Variants in FHL1 observed in about 807,000 individuals in gnomAD.
FHL1 encodes four and a half LIM domains protein 1.
In FHL1, 1 loss-of-function variant was observed where a neutral mutation model predicts 20.3. The ratio of observed to expected loss-of-function variants is 0.05; its 90% CI spans 0.02 to 0.23. The LOEUF (loss-of-function observed/expected upper bound fraction) is 0.23, where lower values mean the gene tolerates loss of function less well. Among genes scored for constraint, FHL1 ranks in the 10% least tolerant of loss-of-function variants. The pLI, the probability that FHL1 is intolerant of heterozygous loss-of-function variation, is 1.00. For missense variants in FHL1, 177 were observed against 234.0 expected (o/e 0.76, Z 1.59); for synonymous variants, 82 against 88.9 (o/e 0.92, Z 0.44).
At chrX:136,186,911 G>T (rs972581987) in intron 2 of FHL1, among the ~76,000 whole-genome samples, 28 of 101,957 alleles carry the variant, frequency 2.7e-4, no homozygotes, top group African/African-American at 9.9e-4. Context: ...TAGATAGATA[G>T]ATAGATAGAT....
intron 2 of FHL1, among the ~76,000 whole-genome samples, chrX:136,190,899 A>G (rs2073417296): frequency 9.0e-6 from 1 of 111,510 alleles, no homozygotes; most frequent in Non-Finnish European, 1.9e-5. Context: ...TGATTGGATT[A>G]GGTGGTATCT....
At position 136,208,648 on chromosome X, in the gene FHL1, TAA is replaced by T; in HGVS notation, c.736+9_736+10del. The T allele has an allele frequency of 8.3e-7, 1 of 1,204,693 alleles. No individual in the cohort carries two copies. Among genetic ancestry groups the T allele is most frequent in the Non-Finnish European group, 1.1e-6 (1 of 889,867 alleles). On this transcript the variant is annotated splice_region_variant and intron_variant, in intron 5 of 5. Transcript: ENST00000370683. ...TGCAAGAACCCCATCACTGGTAGGCTAAAGAGTCCTTGCTAAGTCTGCCAGGC... is the reference window on the plus strand; with the variant it reads ...TGCAAGAACCCCATCACTGGTAGGCTAGAGTCCTTGCTAAGTCTGCCAGGC...
chrX:136,177,311 A>G (rs2073033188), intron 2 of FHL1, among the ~76,000 whole-genome samples: 3 of 111,732 alleles, frequency 2.7e-5, no homozygotes, highest in Non-Finnish European at 5.7e-5. Context: ...ATTGGGTTTG[A>G]CCAGGATTCT....
At chrX:136,206,724 C>T (rs1455541269) in intron 2 of FHL1, 136 bp downstream of exon 2, 4 of 854,940 alleles carry the variant, frequency 4.7e-6, no homozygotes, top group Non-Finnish European at 6.8e-6. Flanking sequence ...AGGAAGCCTC[C>T]TCCACTCCCC....
upstream of FHL1, chrX:136,196,988 C>T (rs921505524): frequency 2.9e-6 from 3 of 1,025,042 alleles, no homozygotes; most frequent in South Asian, 4.1e-5. Flanking sequence ...GGGACATCTG[C>T]TCTCGGTTAT....
At chrX:136,204,439 C>T (rs2073790148) in intron 1 of FHL1, among the ~76,000 whole-genome samples, 1 of 112,586 alleles carries the variant, frequency 8.9e-6, no homozygotes, top group Admixed American at 9.4e-5. Flanking sequence ...CTTACCTAAA[C>T]AGTACATAGT....
intron 2 of FHL1, among the ~76,000 whole-genome samples, chrX:136,171,253 T>TA (rs907713860): frequency 1.8e-5 from 2 of 110,453 alleles, no homozygotes; most frequent in African/African-American, 3.3e-5. Context: ...TTTTCAAACT[T>TA]AAAAAAAATG....
upstream of FHL1, chrX:136,168,160 C>G (rs1488642532): frequency 1.8e-5 from 2 of 111,915 alleles, no homozygotes; most frequent in African/African-American, 6.5e-5. Context: ...AGAGGCTGGA[C>G]AGCTAATATG....
At chrX:136,196,932 T>A, upstream of FHL1, 1 of 1,096,771 alleles carries the variant, frequency 9.1e-7, no homozygotes, top group South Asian at 2.0e-5. Context: ...CTAAAATGGT[T>A]AAGAATTTTC....
At chrX:136,207,357 TCGCACACA>T in intron 3 of FHL1, 167 bp downstream of exon 3, 2 of 480,228 alleles carry the variant, frequency 4.2e-6, no homozygotes, top group Admixed American at 4.0e-5. Context: ...ACATATATGC[TCGCACACA>T]CGCACACACT....
chrX:136,209,839 TTTTC>T (rs1362776298), intron 5 of FHL1, 28 bp from the exon 6 acceptor site: 3 of 1,188,963 alleles, frequency 2.5e-6, no homozygotes, highest in African/African-American at 1.8e-5. Flanking sequence ...GTTTCTCTTG[TTTTC>T]TTTTCTTTTC....
chrX:136,152,826 G>A (rs1212184698), intron 1 of FHL1, among the ~76,000 whole-genome samples: 1 of 110,404 alleles, frequency 9.1e-6, no homozygotes, highest in African/African-American at 3.3e-5. Context: ...TTCCTCATCT[G>A]ATAAGAATCG....
intron 1 of FHL1, among the ~76,000 whole-genome samples, chrX:136,197,968 GTT>G (rs56750734): frequency 7.6e-4 from 73 of 96,632 alleles, no homozygotes; most frequent in Middle Eastern, 5.3e-3. Flanking sequence ...CATTATCTAT[GTT>G]TTTTTTTTTT....
At chrX:136,189,288 C>T (rs777212495) in intron 2 of FHL1, among the ~76,000 whole-genome samples, 5 of 111,415 alleles carry the variant, frequency 4.5e-5, no homozygotes, top group Non-Finnish European at 7.5e-5. Flanking sequence ...CCCCAGGTCT[C>T]CATCATCTGT....
At chrX:136,207,216 T>A (rs375590512) in intron 3 of FHL1, 26 bp downstream of exon 3, 58 of 1,185,004 alleles carry the variant, frequency 4.9e-5, no homozygotes, top group Non-Finnish European at 6.3e-5. Context: ...CACCCCGGGT[T>A]CCCAGGGAGG....
upstream of FHL1, among the ~76,000 whole-genome samples, chrX:136,169,042 C>T (rs976079896): frequency 9.0e-6 from 1 of 111,668 alleles, no homozygotes; most frequent in Non-Finnish European, 1.9e-5. Flanking sequence ...AGATTTCATT[C>T]GCTCATGTAC....
intron 1 of FHL1, among the ~76,000 whole-genome samples, chrX:136,155,375 T>C (rs1444304725): frequency 8.9e-6 from 1 of 112,189 alleles, no homozygotes; most frequent in African/African-American, 3.2e-5. Context: ...AGAAATGTCA[T>C]TGACAGAATA....
intron 1 of FHL1, among the ~76,000 whole-genome samples, chrX:136,160,202 C>T (rs1177777566): frequency 9.1e-6 from 1 of 110,320 alleles, no homozygotes; most frequent in Non-Finnish European, 1.9e-5. Context: ...AGGATCAGGT[C>T]TAAGAGGGAC....
At chrX:136,179,339 A>G (rs976314115) in intron 2 of FHL1, among the ~76,000 whole-genome samples, 3 of 112,055 alleles carry the variant, frequency 2.7e-5, no homozygotes, top group African/African-American at 9.7e-5. Flanking sequence ...AACATGCTCC[A>G]GTATTTTTAG....
Sources: gnomAD v4.1 joint callset for allele counts (sites outside exome capture counted in the v4.1 genomes callset) on GRCh38, gnomAD v4.1.1 for gene constraint, MANE v1.5 for transcripts, NCBI Gene and HGNC (gene_info 2026-07-23, HGNC 2026-07-21) for gene names.